UBE2G1: variants seen among roughly 807,000 people sequenced by gnomAD.
UBE2G1 encodes ubiquitin conjugating enzyme E2 G1.
A neutral mutation model predicts 22.7 loss-of-function variants in UBE2G1; 5 were observed. That is an observed-to-expected ratio of 0.22 (90% CI 0.12 to 0.46). The LOEUF (loss-of-function observed/expected upper bound fraction) is 0.46, where lower values mean the gene tolerates loss of function less well. Among genes scored for constraint, UBE2G1 ranks in the 20% least tolerant of loss-of-function variants. The pLI, the probability that UBE2G1 is intolerant of heterozygous loss-of-function variation, is 0.99. For synonymous variants in UBE2G1, 74 were observed against 67.5 expected (o/e 1.10, Z -0.47); for missense variants, 88 against 203.9 (o/e 0.43, Z 3.46).
intron 3 of UBE2G1, among the ~76,000 whole-genome samples, chr17:4,292,568 G>A (rs184847182): frequency 9.2e-5 from 14 of 152,232 alleles, no homozygotes; most frequent in African/African-American, 3.1e-4. Flanking sequence ...ATTCTCCTGG[G>A]TACTTTCAGC....
chr17:4,330,839 C>T (rs1969566702), intron 1 of UBE2G1, among the ~76,000 whole-genome samples: 1 of 151,586 alleles, frequency 6.6e-6, no homozygotes, highest in Non-Finnish European at 1.5e-5. Flanking sequence ...ACAGATCTAC[C>T]CACCTTGGCC....
At chr17:4,337,672 GA>G (rs1259674854) in intron 1 of UBE2G1, among the ~76,000 whole-genome samples, 1 of 149,204 alleles carries the variant, frequency 6.7e-6, no homozygotes, top group Non-Finnish European at 1.5e-5. Context: ...AAAAAGAAAA[GA>G]AAAAATAAAA....
At chr17:4,288,702 G>C (rs957518019) in intron 4 of UBE2G1, among the ~76,000 whole-genome samples, 4 of 152,088 alleles carry the variant, frequency 2.6e-5, no homozygotes, top group African/African-American at 9.7e-5. Context: ...TTCTAAATTT[G>C]GTGTCACAGT....
At chr17:4,301,745 C>T in intron 2 of UBE2G1, 3 of 644,586 alleles carry the variant, frequency 4.7e-6, no homozygotes, top group South Asian at 4.3e-5. Flanking sequence ...GGGGAGTGCT[C>T]AGCAGTTGCC....
chr17:4,314,822 T>C (rs992908346), intron 1 of UBE2G1, among the ~76,000 whole-genome samples: 5 of 152,168 alleles, frequency 3.3e-5, no homozygotes, highest in Non-Finnish European at 7.3e-5. Flanking sequence ...CAGAGAAACA[T>C]GTTCAAGGAC....
In UBE2G1 at chr17:4,269,259, T is replaced by C. The variant is rs1257663604; in HGVS notation, c.*3295A>G. On this transcript the variant is annotated 3_prime_UTR_variant, in exon 6 of 6. Transcript: ENST00000396981. ...ATCCTAAAACCAAAATAGCTCGTGA[T>C]ACAGCCTCTAAGTCATCATTTATTG... 2.0e-5 allele frequency: 3 copies of C among 152,610 alleles called. No individual in the cohort carries two copies. The highest frequency in any genetic ancestry group is 2.9e-5 in the Non-Finnish European group (2 of 68,052). 9.5% of individuals were successfully genotyped at this position (152,610 alleles called of 1,614,324 possible). A position where few individuals can be genotyped will look rare whatever the true frequency, so the allele number is the denominator to read the frequency against.
intron 1 of UBE2G1, among the ~76,000 whole-genome samples, chr17:4,331,331 G>A (rs1471622256): frequency 6.6e-6 from 1 of 152,112 alleles, no homozygotes; most frequent in Non-Finnish European, 1.5e-5. Flanking sequence ...TAATTTAAGT[G>A]GTTTACAACT....
chr17:4,352,144 T>C (rs771017926), intron 1 of UBE2G1, among the ~76,000 whole-genome samples: 6 of 152,240 alleles, frequency 3.9e-5, no homozygotes, highest in Non-Finnish European at 8.8e-5. Context: ...AAGGATCATA[T>C]GACCCCACAG....
At chr17:4,284,099 G>A (rs1968929025) in intron 4 of UBE2G1, among the ~76,000 whole-genome samples, 1 of 149,924 alleles carries the variant, frequency 6.7e-6, no homozygotes, top group Non-Finnish European at 1.5e-5. Flanking sequence ...AGACGTTGCA[G>A]TGAGGCAATA....
intron 1 of UBE2G1, among the ~76,000 whole-genome samples, chr17:4,327,842 T>G (rs2143771447): frequency 6.6e-6 from 1 of 152,238 alleles, no homozygotes; most frequent in South Asian, 2.1e-4. Context: ...TACTTAGGAT[T>G]CCTCCCAATA....
chr17:4,324,169 C>T (rs1969475703), intron 1 of UBE2G1, among the ~76,000 whole-genome samples: 1 of 152,178 alleles, frequency 6.6e-6, no homozygotes, highest in Non-Finnish European at 1.5e-5. Flanking sequence ...TATACACAAG[C>T]TTCATCTATG....
At chr17:4,344,989 A>C (rs976154923) in intron 1 of UBE2G1, among the ~76,000 whole-genome samples, 3 of 152,240 alleles carry the variant, frequency 2.0e-5, no homozygotes, top group African/African-American at 7.2e-5. Flanking sequence ...GAAATGAAGA[A>C]TCAAACTTCA....
Position 4,349,901 on chromosome 17 carries a change from T to G in UBE2G1, c.46+16370A>C, listed in dbSNP as rs191291736. Among the ~76,000 whole-genome samples the G allele has an allele frequency of 2.2e-3, 341 of 151,944 alleles. 1 individual carries two copies. Among genetic ancestry groups the G allele is most frequent in the Non-Finnish European group, 3.7e-3 (254 of 67,958 alleles). ...AAATAAATAAAAGGACACTGTAATA[T>G]AACATCTTCACAATACCCAAAATGA... On this transcript the variant is annotated intron_variant, in intron 1 of 5. Coordinates refer to ENST00000396981, the MANE Select transcript of UBE2G1 (RefSeq NM_003342.5).
chr17:4,297,964 C>T (rs115904662), intron 2 of UBE2G1, among the ~76,000 whole-genome samples: 3,229 of 152,280 alleles, frequency 0.021, 90 homozygotes, highest in African/African-American at 0.06. Flanking sequence ...TACCCAGTTA[C>T]TCTAACCATT....
chr17:4,314,425 T>C (rs184675543), intron 1 of UBE2G1, among the ~76,000 whole-genome samples: 87 of 152,346 alleles, frequency 5.7e-4, no homozygotes, highest in African/African-American at 2.1e-3. Flanking sequence ...AGTTTATAAC[T>C]GTGAAATCAA....
At chr17:4,316,834 G>C (rs1969380197) in intron 1 of UBE2G1, among the ~76,000 whole-genome samples, 1 of 151,406 alleles carries the variant, frequency 6.6e-6, no homozygotes, top group African/African-American at 2.4e-5. Context: ...TAGCTACTGG[G>C]GACGCTGAGT....
chr17:4,289,647 T>C (rs1416127978), intron 3 of UBE2G1, among the ~76,000 whole-genome samples: 1 of 152,234 alleles, frequency 6.6e-6, no homozygotes, highest in Non-Finnish European at 1.5e-5. Context: ...TTTTCATTTA[T>C]GTAAAACATG....
At chr17:4,275,722 T>C (rs1389112007) in intron 5 of UBE2G1, among the ~76,000 whole-genome samples, 1 of 152,152 alleles carries the variant, frequency 6.6e-6, no homozygotes, top group Non-Finnish European at 1.5e-5. Context: ...ATCTTAAGTG[T>C]TTCAATGATC....
chr17:4,275,895 G>A (rs764400553), intron 5 of UBE2G1, among the ~76,000 whole-genome samples: 11 of 152,114 alleles, frequency 7.2e-5, no homozygotes, highest in Non-Finnish European at 1.5e-4. Context: ...GCTGCTCGTC[G>A]TCTTCTACCA....
Sources: allele counts gnomAD v4.1 joint callset (sites outside exome capture counted in the v4.1 genomes callset), GRCh38; gene constraint gnomAD v4.1.1; transcripts MANE v1.5; gene names NCBI Gene and HGNC (gene_info 2026-07-23, HGNC 2026-07-21).